The following STOX2 variants were observed in gnomAD, a reference collection of about 807,000 sequenced individuals.
The protein encoded by STOX2 is storkhead-box protein 2.
In STOX2, 28 loss-of-function variants were observed where a neutral mutation model predicts 60.9. That is an observed-to-expected ratio of 0.46 (90% CI 0.34 to 0.63). The LOEUF (loss-of-function observed/expected upper bound fraction) is 0.63. STOX2 is among the 30% of genes least tolerant of loss of function. The pLI is 0.01. For missense variants in STOX2, 1,024 were observed against 1,187.7 expected (o/e 0.86, Z 2.03); for synonymous variants, 472 against 463.9 (o/e 1.02, Z -0.22).
At chr4:183,942,990 A>G (rs577287877) in intron 1 of STOX2, among the ~76,000 whole-genome samples, 1 of 152,308 alleles carries the variant, frequency 6.6e-6, no homozygotes, top group Non-Finnish European at 1.5e-5. Context: ...GGTGAGTTTC[A>G]ACTTTTCTGG....
At chr4:183,900,501 A>C (rs571771147), upstream of STOX2, among the ~76,000 whole-genome samples, 9 of 152,334 alleles carry the variant, frequency 5.9e-5, 1 homozygote, top group South Asian at 1.9e-3. Flanking sequence ...GTTTGGAAGA[A>C]GTTTATTCCA....
At chr4:183,891,514 A>G (rs977715608) in intron 1 of STOX2, among the ~76,000 whole-genome samples, 1 of 151,310 alleles carries the variant, frequency 6.6e-6, no homozygotes, top group African/African-American at 2.4e-5. Context: ...GGAATGGAAA[A>G]CCAAATGTTG....
intron 1 of STOX2, among the ~76,000 whole-genome samples, chr4:183,964,073 C>T (rs748808063): frequency 6.6e-6 from 1 of 152,230 alleles, no homozygotes; most frequent in African/African-American, 2.4e-5. Context: ...CCGCGCCCAG[C>T]TTTCTTTACA....
At chr4:183,975,160 A>G (rs1475641602) in intron 1 of STOX2, among the ~76,000 whole-genome samples, 3 of 152,154 alleles carry the variant, frequency 2.0e-5, no homozygotes, top group Non-Finnish European at 2.9e-5. Flanking sequence ...AATGCAATAT[A>G]TCATAATTCA....
chr4:183,937,485 G>C (rs977784268), intron 1 of STOX2, among the ~76,000 whole-genome samples: 3 of 152,212 alleles, frequency 2.0e-5, no homozygotes, highest in African/African-American at 7.2e-5. Flanking sequence ...AGGGAGGTCA[G>C]TGTTCGTTTT....
At chr4:183,857,720 C>T (rs1740335364) in intron 1 of STOX2, among the ~76,000 whole-genome samples, 1 of 152,172 alleles carries the variant, frequency 6.6e-6, no homozygotes, top group Admixed American at 6.5e-5. Flanking sequence ...TCCAGCTCTG[C>T]CCCAGTGCTG....
intron 1 of STOX2, among the ~76,000 whole-genome samples, chr4:183,859,040 G>C (rs1374272230): frequency 6.6e-6 from 1 of 152,104 alleles, no homozygotes; most frequent in Non-Finnish European, 1.5e-5. Context: ...TATAGGAAAG[G>C]TTTTATGCCT....
chr4:183,874,993 A>ATATATGT (rs1560857952), intron 1 of STOX2, among the ~76,000 whole-genome samples: 2 of 116,008 alleles, frequency 1.7e-5, no homozygotes, highest in Admixed American at 9.2e-5. Context: ...ATATATATAT[A>ATATATGT]AAACTTAGAA....
At chr4:183,974,054 A>G (rs1732341829) in intron 1 of STOX2, among the ~76,000 whole-genome samples, 1 of 152,224 alleles carries the variant, frequency 6.6e-6, no homozygotes, top group Non-Finnish European at 1.5e-5. Context: ...GTTTCATTGT[A>G]TATAGATGTA....
chr4:183,949,990 A>G (rs1008684139), intron 1 of STOX2, among the ~76,000 whole-genome samples: 2 of 152,234 alleles, frequency 1.3e-5, no homozygotes, highest in Non-Finnish European at 2.9e-5. Flanking sequence ...AGTTAACACC[A>G]TGAATTAAAA....
intron 1 of STOX2, among the ~76,000 whole-genome samples, chr4:183,814,822 A>G (rs1739114456): frequency 6.6e-6 from 1 of 152,198 alleles, no homozygotes; most frequent in Admixed American, 6.5e-5. Flanking sequence ...AATACTGTGA[A>G]TATTAATAGT....
intron 1 of STOX2, among the ~76,000 whole-genome samples, chr4:183,907,810 G>A (rs1741662622): frequency 2.6e-5 from 4 of 152,204 alleles, no homozygotes; most frequent in Admixed American, 2.6e-4. Context: ...ACCTTCCGTT[G>A]CCTTCTCCTT....
intron 1 of STOX2, among the ~76,000 whole-genome samples, chr4:183,831,254 C>T (rs748037534): frequency 6.6e-6 from 1 of 152,152 alleles, no homozygotes; most frequent in African/African-American, 2.4e-5. Context: ...ACAGAACACA[C>T]CCACAGAAAT....
intron 1 of STOX2, among the ~76,000 whole-genome samples, chr4:183,922,529 A>G (rs534178034): frequency 3.3e-5 from 5 of 152,056 alleles, no homozygotes; most frequent in Non-Finnish European, 7.4e-5. Flanking sequence ...TATTTTTAGT[A>G]GAGACGGGGT....
At position 183,927,328 on chromosome 4, in the gene STOX2, G is replaced by C. The variant is rs577993883; in HGVS notation, c.166+20372G>C. ...ATAGCAGCACCTGCTTCATGGGATT[G>C]TTTGAGGATCAAATGCCTTCATCAA... is the stretch of plus-strand genomic sequence containing the variant. On this transcript the variant is annotated intron_variant, in intron 1 of 3. Coordinates refer to ENST00000308497, the MANE Select transcript of STOX2 (RefSeq NM_020225.3). Among the ~76,000 whole-genome samples the C allele has an allele frequency of 7.2e-5, 11 of 152,336 alleles. No homozygotes were observed. In the South Asian group the frequency reaches 1.9e-3, roughly 26 times the overall value.
At chr4:183,912,478 T>C (rs949092603) in intron 1 of STOX2, among the ~76,000 whole-genome samples, 2 of 152,214 alleles carry the variant, frequency 1.3e-5, no homozygotes, top group Non-Finnish European at 2.9e-5. Flanking sequence ...TGTTGTAGTT[T>C]ATGTGACTTT....
intron 1 of STOX2, among the ~76,000 whole-genome samples, chr4:183,941,047 G>C (rs1055873686): frequency 4.6e-5 from 7 of 152,160 alleles, no homozygotes; most frequent in African/African-American, 1.7e-4. Context: ...CTCAGATCTA[G>C]CTTCTTTTAT....
At chr4:183,830,300 A>G (rs1739536238) in intron 1 of STOX2, among the ~76,000 whole-genome samples, 1 of 152,136 alleles carries the variant, frequency 6.6e-6, no homozygotes, top group South Asian at 2.1e-4. Context: ...ATTCCCCCTC[A>G]TTGGCCAAGT....
chr4:183,846,706 C>T (rs930430955), intron 1 of STOX2, among the ~76,000 whole-genome samples: 2 of 152,030 alleles, frequency 1.3e-5, no homozygotes, highest in African/African-American at 4.8e-5. Flanking sequence ...AGCATTTCAA[C>T]ATATTTAAAA....
Sources: allele counts gnomAD v4.1 joint callset (sites outside exome capture counted in the v4.1 genomes callset), GRCh38; gene constraint gnomAD v4.1.1; transcripts MANE v1.5; gene names NCBI Gene and HGNC (gene_info 2026-07-23, HGNC 2026-07-21).